The following AKAP9 variants were observed in gnomAD, a reference collection of about 807,000 sequenced individuals.
AKAP9 encodes the protein A-kinase anchor protein 9.
In AKAP9, 311 loss-of-function variants were observed where a neutral mutation model predicts 488.5. The observed-to-expected ratio is 0.64, with a 90% CI of 0.58 to 0.70. AKAP9 has a LOEUF of 0.70. Ranked by LOEUF, AKAP9 falls within the 30% of genes least tolerant of loss-of-function variation. AKAP9 has a pLI of 0.00. For missense variants in AKAP9, 4,215 were observed against 4,374.5 expected (o/e 0.96, Z 1.03); for synonymous variants, 1,462 against 1,483.5 (o/e 0.99, Z 0.33).
At chr7:92,080,296 C>A in intron 31 of AKAP9, 144 bp downstream of exon 31, 1 of 786,532 alleles carries the variant, frequency 1.3e-6, no homozygotes, top group Non-Finnish European at 1.9e-6. Flanking sequence ...AAAAAATAAA[C>A]TCTTGTTAAA....
chr7:92,040,650 T>TC, intron 17 of AKAP9, 24 bp from the exon 18 acceptor site: 2 of 1,418,114 alleles, frequency 1.4e-6, no homozygotes, highest in Non-Finnish European at 1.9e-6. Context: ...TGAATTGTTT[T>TC]TTTTTTTTTT....
intron 1 of AKAP9, among the ~76,000 whole-genome samples, chr7:91,963,159 G>A (rs1180524711): frequency 6.6e-6 from 1 of 152,070 alleles, no homozygotes; most frequent in Non-Finnish European, 1.5e-5. Flanking sequence ...CAGTATTCCA[G>A]TTGGTTTATT....
intron 38 of AKAP9, 56 bp downstream of exon 38, chr7:92,089,585 TG>T (rs1815187846): frequency 6.4e-7 from 1 of 1,554,840 alleles, no homozygotes; most frequent in Non-Finnish European, 8.8e-7. Flanking sequence ...GATTTCACTT[TG>T]TTTTCTTTCT....
At chr7:92,105,002 T>G (rs1386344017) in intron 46 of AKAP9, among the ~76,000 whole-genome samples, 1 of 152,146 alleles carries the variant, frequency 6.6e-6, no homozygotes, top group African/African-American at 2.4e-5. Context: ...AAGTTGTTAT[T>G]GACATACTTC....
At position 92,023,729 on chromosome 7, in the gene AKAP9, A is replaced by G. The variant is rs6954032; in HGVS notation, c.4148+720A>G. Among the ~76,000 whole-genome samples the G allele has an allele frequency of 3.8e-3, 581 of 152,296 alleles. 3 individuals are homozygous for G. The highest frequency in any genetic ancestry group is 0.013 in the African/African-American group (559 of 41,558). On this transcript the variant is annotated intron_variant, in intron 14 of 49. Transcript: ENST00000356239. ...TATCATTCCAAAGCTCTTCTGTCCT[A>G]CATGATGAGTACCCATTACTTTTCT...
At chr7:91,952,252 T>A (rs17164263) in intron 1 of AKAP9, among the ~76,000 whole-genome samples, 91,416 of 152,066 alleles carry the variant, frequency 0.6, 27,774 homozygotes, top group East Asian at 0.83. Flanking sequence ...TTCAGAGTGA[T>A]CTACAGGGAG....
rs1370500118 is a variant in AKAP9 at position 92,093,284 on chromosome 7, G to A, written c.9546G>A (p.Gln3182=). The stretch of plus-strand genomic sequence containing the variant: ...AACTAGAAACAACACTCAAGGCACA[G>A]CATAAACACCTAAAAGAATTGGAGG... The part of the protein sequence containing the change: ...KLELETTLKA[Q]HKHLKELEAF... Residue 3182 remains glutamine (Q), a synonymous_variant, in exon 39 of 50, where the codon CAG becomes CAA. Coordinates refer to ENST00000356239, the MANE Select transcript of AKAP9 (RefSeq NM_005751.5). 8 of 1,614,076 alleles carry A rather than the reference G, an allele frequency of 5.0e-6. No homozygotes were observed. The highest frequency in any genetic ancestry group is 6.8e-6 in the Non-Finnish European group (8 of 1,180,022).
chr7:91,974,548 T>G (rs1795432684), intron 2 of AKAP9, among the ~76,000 whole-genome samples: 1 of 152,216 alleles, frequency 6.6e-6, no homozygotes, highest in Non-Finnish European at 1.5e-5. Flanking sequence ...GTGTGAGTCT[T>G]CCAACTTTCT....
intron 30 of AKAP9, 53 bp from the exon 31 acceptor site, chr7:92,079,017 TAAAATTTTC>T (rs999994617): frequency 4.1e-6 from 5 of 1,218,950 alleles, no homozygotes; most frequent in Non-Finnish European, 5.7e-6. Flanking sequence ...TAAAATAAAG[TAAAATTTTC>T]AAAATGTAAA....
chr7:91,968,335 T>C (rs1562909867), intron 1 of AKAP9, among the ~76,000 whole-genome samples: 1 of 152,206 alleles, frequency 6.6e-6, no homozygotes, highest in Non-Finnish European at 1.5e-5. Context: ...AGGTTCTATG[T>C]GTCCAGGAAT....
intron 21 of AKAP9, 149 bp from the exon 22 acceptor site, chr7:92,052,577 A>G (rs907687748): frequency 1.7e-5 from 10 of 576,946 alleles, no homozygotes; most frequent in Non-Finnish European, 3.0e-5. Context: ...TATATCCTAT[A>G]TTTGCATATT....
intron 1 of AKAP9, among the ~76,000 whole-genome samples, chr7:91,948,140 T>C (rs1584524624): frequency 6.6e-6 from 1 of 152,254 alleles, no homozygotes; most frequent in East Asian, 1.9e-4. Context: ...TTTTTATGGC[T>C]GAATAATATT....
chr7:92,049,184 C>T (rs1807497318), intron 21 of AKAP9, among the ~76,000 whole-genome samples: 1 of 152,138 alleles, frequency 6.6e-6, no homozygotes, highest in Admixed American at 6.6e-5. Flanking sequence ...AGACATAAAT[C>T]CAAGAGGTTC....
Position 92,108,539 on chromosome 7 carries a change from T to A in AKAP9, c.11592T>A (p.Cys3864Ter), listed in dbSNP as rs778100661. 1 of 1,614,164 alleles carries A rather than the reference T, an allele frequency of 6.2e-7. No homozygotes were observed. The highest frequency in any genetic ancestry group is 1.7e-5 in the Admixed American group (1 of 60,018). ...PADFNPGSLA[C>*]SQLQNYDPDR... ...ATTTCAATCCTGGTTCTTTAGCATG[T>A]TCTCAGCTTCAGAATTACGATCCTG... Residue 3864 changes from cysteine (C) to a stop codon, truncating the protein, a stop_gained, in exon 49 of 50, where the codon TGT (cysteine) becomes TGA (stop). Transcript: ENST00000356239. LOFTEE classifies it high-confidence loss of function.
intron 3 of AKAP9, among the ~76,000 whole-genome samples, chr7:91,982,968 G>T (rs1796618884): frequency 6.6e-6 from 1 of 151,878 alleles, no homozygotes; most frequent in African/African-American, 2.4e-5. Context: ...GTGTCTGTTG[G>T]CTTCATAAAT....
rs762042970 is a variant in AKAP9, at chr7:92,085,705, G to T, written c.9024+19G>T. 1 of 1,558,882 alleles carries T rather than the reference G, an allele frequency of 6.4e-7. No individual in the cohort carries two copies. Among genetic ancestry groups the T allele is most frequent in the Non-Finnish European group, 8.8e-7 (1 of 1,135,672 alleles). On this transcript the variant is annotated intron_variant, in intron 36 of 49. Transcript: ENST00000356239. ...AGCCGAGGTAACCAAAGAATACTATGCATTTAAATCATTTTATGTATTATT... is the reference window on the plus strand; with the variant it reads ...AGCCGAGGTAACCAAAGAATACTATTCATTTAAATCATTTTATGTATTATT...
rs1818692330 is a variant in AKAP9 at position 92,107,441 on chromosome 7, C to T, written c.11546+19C>T. 1 of 1,611,000 alleles carries T rather than the reference C, an allele frequency of 6.2e-7. No homozygotes were observed. Among genetic ancestry groups the T allele is most frequent in the African/African-American group, 1.3e-5 (1 of 74,944 alleles). On this transcript the variant is annotated intron_variant, in intron 48 of 49. Transcript: ENST00000356239. ...AGAATAGGTAAGAATATGAGAAAAC[C>T]TGCCTGGAATTGTTAAATGTATTAA...
rs371522837 is a variant in AKAP9, at chr7:92,001,466, G to A, written c.1549G>A (p.Gly517Arg). Reference protein sequence around the residue: ...SQKEKLKEELGLILEEKCALQ... With the variant: ...SQKEKLKEELRLILEEKCALQ... Reference sequence around the variant, plus strand: ...AAAGGAAAAACTCAAGGAAGAACTAGGACTAATTTTAGAAGAAAAGTGTGC... The same window carrying A: ...AAAGGAAAAACTCAAGGAAGAACTAAGACTAATTTTAGAAGAAAAGTGTGC... The change falls in exon 8 of 50, where the codon GGA becomes AGA. Residue 517 changes from glycine (G) to arginine (R), a missense_variant. This residue lies in a region of AKAP9 where 2,361 missense variants were observed against 2,430.0 expected (regional missense o/e 0.97). Coordinates refer to ENST00000356239, the MANE Select transcript of AKAP9 (RefSeq NM_005751.5). 4.3e-6 allele frequency: 7 copies of A among 1,613,692 alleles called. No individual in the cohort carries two copies. Among genetic ancestry groups the A allele is most frequent in the Admixed American group, 1.7e-5 (1 of 59,990 alleles).
intron 1 of AKAP9, among the ~76,000 whole-genome samples, chr7:91,964,155 TCA>T (rs1794124041): frequency 6.6e-6 from 1 of 152,216 alleles, no homozygotes; most frequent in Non-Finnish European, 1.5e-5. Flanking sequence ...ACCAAAGTTC[TCA>T]GTTATATTCT....
Sources: allele counts gnomAD v4.1 joint callset (sites outside exome capture counted in the v4.1 genomes callset), GRCh38; gene constraint gnomAD v4.1.1; regional missense constraint gnomAD v4.1.1; transcripts MANE v1.5; gene names NCBI Gene and HGNC (gene_info 2026-07-23, HGNC 2026-07-21).